The following ZMYND11 variants were observed in gnomAD, a reference collection of about 807,000 sequenced individuals.
ZMYND11 encodes the protein zinc finger MYND-type containing 11, also known as zinc finger MYND domain-containing protein 11.
In ZMYND11, 9 loss-of-function variants were observed where a neutral mutation model predicts 84.9. The observed-to-expected ratio is 0.11, with a 90% CI of 0.06 to 0.18. The LOEUF is 0.18. Ranked by LOEUF, ZMYND11 falls within the 10% of genes least tolerant of loss-of-function variation. ZMYND11 has a pLI of 1.00. For synonymous variants in ZMYND11, 250 were observed against 244.1 expected, an observed-to-expected ratio of 1.02 and a Z score of -0.23; for missense variants, 409 against 761.0, an observed-to-expected ratio of 0.54 and a Z score of 5.44.
intron 2 of ZMYND11, among the ~76,000 whole-genome samples, chr10:195,106 A>G (rs1941417199): frequency 6.6e-6 from 1 of 152,206 alleles, no homozygotes. Context: ...TGACTTCTGA[A>G]CTGCAATACT....
Position 252,350 on chromosome 10 carries a change from C to T in ZMYND11, c.1689C>T (p.Cys563=). 6.2e-7 allele frequency: 1 copy of T among 1,614,056 alleles called. No homozygotes were observed. Among genetic ancestry groups the T allele is most frequent in the Non-Finnish European group, 8.5e-7 (1 of 1,179,986 alleles). ...LISQTKKKQW[C]YNCEEEAMYH... ...CTGCCCCGATTTCTTACCTGCAGTG[C>T]TACAACTGTGAGGAGGAGGCCATGT... The change falls in exon 15 of 15, where the codon TGC becomes TGT. Residue 563 remains cysteine (C), a splice_region_variant and synonymous_variant. Transcript: ENST00000381604. This position sits in a 1 kb window ranked among gnomAD's most constrained non-coding sequence, Gnocchi z 4.6.
Position 253,532 on chromosome 10 carries a change from A to C in ZMYND11, c.*1062A>C, listed in dbSNP as rs1158908406. On this transcript the variant is annotated 3_prime_UTR_variant, in exon 15 of 15. Transcript: ENST00000381604. ...TGTATTAAAGATGCCGTGATTTGTA[A>C]AAAGTCTGTATTTTGCGGAATGTCT... 1 of 152,680 alleles carries C rather than the reference A, an allele frequency of 6.5e-6. No homozygotes were observed. The highest frequency in any genetic ancestry group is 2.4e-5 in the African/African-American group (1 of 41,474). 9.5% of individuals were successfully genotyped at this position (152,680 alleles called of 1,614,324 possible).
At chr10:163,878 C>G (rs1470798555) in intron 1 of ZMYND11, among the ~76,000 whole-genome samples, 3 of 152,166 alleles carry the variant, frequency 2.0e-5, no homozygotes, top group Admixed American at 2.0e-4. Context: ...TGTCAGGTGG[C>G]CAGATGGCTT....
At position 253,157 on chromosome 10, in the gene ZMYND11, G is replaced by A. The variant is rs533156913; in HGVS notation, c.*687G>A. ...AACTGGGGTAATCTTTTACTGAGCT[G>A]GATCTTAGAGAAAATGAATATTTAA... On this transcript the variant is annotated 3_prime_UTR_variant, in exon 15 of 15. Coordinates refer to ENST00000381604, the MANE Select transcript of ZMYND11 (RefSeq NM_001370100.5). The A allele has an allele frequency of 2.6e-5, 4 of 152,666 alleles. No homozygotes were observed. The highest frequency in any genetic ancestry group is 4.1e-4 in the South Asian group (2 of 4,820). 9.5% of individuals were successfully genotyped at this position (152,666 alleles called of 1,614,324 possible). A position where few individuals can be genotyped will look rare whatever the true frequency, so the allele number is the denominator to read the frequency against.
chr10:163,223 C>T (rs1843288161), intron 1 of ZMYND11, among the ~76,000 whole-genome samples: 1 of 152,096 alleles, frequency 6.6e-6, no homozygotes, highest in Non-Finnish European at 1.5e-5. Flanking sequence ...GACCGCTCCC[C>T]ATCACCCCCC....
At chr10:242,244 GAA>G (rs34123561) in intron 10 of ZMYND11, 105 bp downstream of exon 10, 4 of 1,326,452 alleles carry the variant, frequency 3.0e-6, no homozygotes, top group African/African-American at 3.0e-5. Context: ...TTTTAAATTG[GAA>G]AAAAAAAACA....
intron 1 of ZMYND11, among the ~76,000 whole-genome samples, chr10:168,772 T>C (rs958856412): frequency 9.9e-5 from 15 of 152,112 alleles, no homozygotes; most frequent in African/African-American, 3.6e-4. Flanking sequence ...TAGGTAGATA[T>C]AAAGAATCAC....
At chr10:246,670 G>A (rs1403639170) in intron 10 of ZMYND11, 96 bp from the exon 11 acceptor site, 9 of 1,170,222 alleles carry the variant, frequency 7.7e-6, no homozygotes, top group East Asian at 5.0e-5. Flanking sequence ...GCCACAGGTC[G>A]CACTTTATGG....
At chr10:152,475 A>T (rs1187173115) in intron 1 of ZMYND11, among the ~76,000 whole-genome samples, 1 of 152,214 alleles carries the variant, frequency 6.6e-6, no homozygotes, top group Non-Finnish European at 1.5e-5. Context: ...AAGCCATTAC[A>T]TATTGGTAAA....
At chr10:142,848 G>T (rs1837805136) in intron 1 of ZMYND11, among the ~76,000 whole-genome samples, 1 of 152,164 alleles carries the variant, frequency 6.6e-6, no homozygotes, top group Non-Finnish European at 1.5e-5. Context: ...GTAATGACAG[G>T]TAGTAATCTG....
chr10:241,983 T>TAAAAGTAATATAACAAGGTAAAACATTTA, intron 9 of ZMYND11, 38 bp from the exon 10 acceptor site: 1 of 1,606,506 alleles, frequency 6.2e-7, no homozygotes, highest in Non-Finnish European at 8.5e-7. Flanking sequence ...TTTAATACTT[T>TAAAAGTAATATAACAAGGTAAAACATTTA]AAAAGTAATA....
In ZMYND11 at chr10:187,362, C is replaced by T. The variant is rs150817472; in HGVS notation, c.116+7234C>T. On this transcript the variant is annotated intron_variant, in intron 2 of 14. Coordinates refer to ENST00000381604, the MANE Select transcript of ZMYND11 (RefSeq NM_001370100.5). Reference sequence around the variant, plus strand: ...GATATTTAAAAACCATGGCTGGGCGCGGTGGCTCACGCCTGTAATCTCAGC... The same window carrying T: ...GATATTTAAAAACCATGGCTGGGCGTGGTGGCTCACGCCTGTAATCTCAGC... Among the ~76,000 whole-genome samples the T allele has an allele frequency of 2.0e-3, 301 of 152,296 alleles. 6 individuals carry two copies. In the East Asian group the frequency reaches 0.048, roughly 24 times the overall value.
chr10:206,960 G>GTA (rs1944303517), intron 2 of ZMYND11, among the ~76,000 whole-genome samples: 1 of 151,802 alleles, frequency 6.6e-6, no homozygotes, highest in Admixed American at 6.6e-5. Flanking sequence ...TTAGCATTAG[G>GTA]TATATCTCCT....
At chr10:209,799 T>G in intron 2 of ZMYND11, 90 bp from the exon 3 acceptor site, 1 of 1,277,258 alleles carries the variant, frequency 7.8e-7, no homozygotes, top group Non-Finnish European at 1.1e-6. Context: ...CAAGTCATAA[T>G]GAAAGAAATT....
chr10:220,421 A>G (rs1453024727), intron 3 of ZMYND11, among the ~76,000 whole-genome samples: 1 of 152,198 alleles, frequency 6.6e-6, no homozygotes, highest in Non-Finnish European at 1.5e-5. Context: ...TGCTTTGTAT[A>G]CTTAAAGGGT....
intron 13 of ZMYND11, 119 bp from the exon 14 acceptor site, chr10:248,784 C>A: frequency 7.1e-7 from 1 of 1,416,120 alleles, no homozygotes; most frequent in Non-Finnish European, 9.4e-7. Context: ...AAATTTTTTA[C>A]ACATGTAATG....
chr10:238,999 A>T (rs1950448669), intron 6 of ZMYND11, among the ~76,000 whole-genome samples: 1 of 152,196 alleles, frequency 6.6e-6, no homozygotes, highest in Non-Finnish European at 1.5e-5. Context: ...AATATATCTT[A>T]GTAGTTATGG....
At chr10:207,439 G>C (rs898853347) in intron 2 of ZMYND11, among the ~76,000 whole-genome samples, 1 of 152,166 alleles carries the variant, frequency 6.6e-6, no homozygotes, top group African/African-American at 2.4e-5. Context: ...GGTTGAACTA[G>C]TTTACAGTCC....
intron 10 of ZMYND11, among the ~76,000 whole-genome samples, chr10:243,514 TA>T (rs1470683831): frequency 1.3e-5 from 2 of 152,204 alleles, no homozygotes; most frequent in Non-Finnish European, 2.9e-5. Flanking sequence ...GTGATATTAA[TA>T]ATGAGTTAAC....
Sources: allele counts gnomAD v4.1 joint callset (sites outside exome capture counted in the v4.1 genomes callset), GRCh38; gene constraint gnomAD v4.1.1; non-coding constraint Gnocchi (gnomAD v3.1); transcripts MANE v1.5; gene names NCBI Gene and HGNC (gene_info 2026-07-23, HGNC 2026-07-21).